Variants in PTPRG observed in about 807,000 individuals in gnomAD.
The protein encoded by PTPRG is protein tyrosine phosphatase receptor type G.
PTPRG carries 102 observed loss-of-function variants against 165.3 expected under a neutral mutation model. The observed-to-expected ratio is 0.62, with a 90% CI of 0.53 to 0.73. PTPRG has a LOEUF of 0.73. Ranked by LOEUF, PTPRG falls within the 30% of genes least tolerant of loss-of-function variation. PTPRG has a pLI of 0.00. For synonymous variants in PTPRG, 675 were observed against 669.5 expected (o/e 1.01, Z -0.13); for missense variants, 1,866 against 1,861.4 (o/e 1.00, Z -0.05).
chr3:62,089,552 T>C (rs986000666), intron 5 of PTPRG, among the ~76,000 whole-genome samples: 1 of 152,224 alleles, frequency 6.6e-6, no homozygotes, highest in Admixed American at 6.5e-5. Context: ...CAATGTGATA[T>C]AGTAAAAGAC....
Position 62,199,265 on chromosome 3 carries a change from C to T in PTPRG, c.1328-2240C>T, listed in dbSNP as rs775921017. Among the ~76,000 whole-genome samples, 4 of 151,678 alleles carry T rather than the reference C, an allele frequency of 2.6e-5. 1 individual carries two copies. On this transcript the variant is annotated intron_variant, in intron 10 of 29. Coordinates refer to ENST00000474889, the MANE Select transcript of PTPRG (RefSeq NM_002841.4). ...CCCCTGTTATTTGCTTTCTTTGCTA[C>T]CTTATTTGACCTGGGACCTACACAC... is the stretch of plus-strand genomic sequence containing the variant.
At chr3:62,031,582 C>G (rs1420395877) in intron 4 of PTPRG, among the ~76,000 whole-genome samples, 2 of 152,148 alleles carry the variant, frequency 1.3e-5, no homozygotes, top group Non-Finnish European at 2.9e-5. Context: ...CTACCTGATC[C>G]TGGTAGATGA....
intron 2 of PTPRG, among the ~76,000 whole-genome samples, chr3:61,758,607 A>C (rs578047891): frequency 1.3e-5 from 2 of 152,128 alleles, no homozygotes; most frequent in East Asian, 3.9e-4. Flanking sequence ...GTGCACCACC[A>C]CGTCTAGCTA....
At chr3:62,034,591 A>C (rs1488049042) in intron 4 of PTPRG, among the ~76,000 whole-genome samples, 1 of 152,204 alleles carries the variant, frequency 6.6e-6, no homozygotes, top group Non-Finnish European at 1.5e-5. Flanking sequence ...TTACACTTAG[A>C]GGTAGATATC....
intron 5 of PTPRG, among the ~76,000 whole-genome samples, chr3:62,116,561 G>A (rs935903981): frequency 6.6e-6 from 1 of 152,174 alleles, no homozygotes; most frequent in Admixed American, 6.5e-5. Context: ...AAGAAGGTGA[G>A]ACAAGATTCT....
chr3:61,694,523 C>T (rs1042633128), intron 1 of PTPRG, among the ~76,000 whole-genome samples: 1 of 152,164 alleles, frequency 6.6e-6, no homozygotes, highest in Non-Finnish European at 1.5e-5. Context: ...AGTAAAAATA[C>T]GCATACTTTC....
intron 2 of PTPRG, among the ~76,000 whole-genome samples, chr3:61,973,842 A>G (rs1006502414): frequency 2.6e-5 from 4 of 151,856 alleles, no homozygotes; most frequent in Non-Finnish European, 5.9e-5. Flanking sequence ...CAAAATAAAT[A>G]AATAAATAAA....
chr3:61,620,550 C>T (rs1374686255), intron 1 of PTPRG, among the ~76,000 whole-genome samples: 1 of 151,938 alleles, frequency 6.6e-6, no homozygotes, highest in African/African-American at 2.4e-5. Flanking sequence ...TTTTTTTGTT[C>T]CTCGTCCGGT....
chr3:61,711,221 G>A (rs779976296), intron 1 of PTPRG, among the ~76,000 whole-genome samples: 23 of 152,236 alleles, frequency 1.5e-4, no homozygotes, highest in East Asian at 7.7e-4. Flanking sequence ...GAATAGTGCC[G>A]CAATAGACAT....
intron 8 of PTPRG, among the ~76,000 whole-genome samples, chr3:62,170,845 G>T (rs140774137): frequency 6.6e-6 from 1 of 152,156 alleles, no homozygotes; most frequent in Non-Finnish European, 1.5e-5. Flanking sequence ...TGCACAGCTT[G>T]ATGAATTTTC....
chr3:62,088,169 G>T (rs114708937), intron 5 of PTPRG, among the ~76,000 whole-genome samples: 1 of 152,210 alleles, frequency 6.6e-6, no homozygotes, highest in African/African-American at 2.4e-5. Context: ...AGGTGTGTCA[G>T]GGTAGAGGCA....
At chr3:62,215,401 G>A (rs1288378925) in intron 12 of PTPRG, among the ~76,000 whole-genome samples, 2 of 152,184 alleles carry the variant, frequency 1.3e-5, no homozygotes, top group Non-Finnish European at 2.9e-5. Context: ...ATTAGTCAAG[G>A]TCAGAGTGAA....
intron 14 of PTPRG, 44 bp downstream of exon 14, chr3:62,231,355 G>A: frequency 6.8e-7 from 1 of 1,472,468 alleles, no homozygotes; most frequent in Middle Eastern, 2.3e-4. Flanking sequence ...TTGATGGCCG[G>A]GACTGGCTTG....
chr3:61,816,733 G>A (rs1239569593), intron 2 of PTPRG, among the ~76,000 whole-genome samples: 3 of 151,782 alleles, frequency 2.0e-5, no homozygotes, highest in Admixed American at 2.0e-4. Flanking sequence ...TTTTGCAGCG[G>A]TCTTGATGAG....
chr3:62,111,377 C>T lies in PTPRG; in HGVS notation c.616-21225C>T, dbSNP rs75720371. On this transcript the variant is annotated intron_variant, in intron 5 of 29. Transcript: ENST00000474889. ...AGTGATGTCTAGTCTAGCACAGCTT[C>T]CTCTTAGAGACTGACAGTGTGCTTT... Among the ~76,000 whole-genome samples, 802 of 152,318 alleles carry T rather than the reference C, an allele frequency of 5.3e-3. 10 individuals are homozygous for T. Among genetic ancestry groups the T allele is most frequent in the African/African-American group, 0.017 (709 of 41,568 alleles).
rs957053537 is a variant in PTPRG, at chr3:62,292,589, T to TAC, written c.4191+35_4191+36dup. 2.5e-6 allele frequency: 4 copies of TAC among 1,603,636 alleles called. No homozygotes were observed. The African/African-American group carries it at 5.4e-5, about 22-fold the overall frequency. On this transcript the variant is annotated intron_variant, in intron 29 of 29. Transcript: ENST00000474889. ...GTTTGCTTATGTGTAAAACCTGTAC[T>TAC]ACATCAGTTGAAACTCAGACTCACA...
At chr3:61,596,355 T>A (rs2106834681) in intron 1 of PTPRG, among the ~76,000 whole-genome samples, 1 of 152,326 alleles carries the variant, frequency 6.6e-6, no homozygotes, top group African/African-American at 2.4e-5. Flanking sequence ...ACATATTCAT[T>A]TATAAAAACA....
intron 1 of PTPRG, among the ~76,000 whole-genome samples, chr3:61,638,591 G>GTTTTTTTTTTTTTTTTTTTTTT (rs34396141): frequency 1.7e-5 from 1 of 58,704 alleles, no homozygotes; most frequent in African/African-American, 6.5e-5. Flanking sequence ...TGCCTGGCTA[G>GTTTTTTTTTTTTTTTTTTTTTT]TTTTTTTTTT....
At chr3:61,751,310 A>G (rs1287546183) in intron 2 of PTPRG, among the ~76,000 whole-genome samples, 1 of 152,226 alleles carries the variant, frequency 6.6e-6, no homozygotes, top group Admixed American at 6.5e-5. Context: ...ATGTGGGACT[A>G]TTAGCTGCAG....
Sources: allele counts gnomAD v4.1 joint callset (sites outside exome capture counted in the v4.1 genomes callset), GRCh38; gene constraint gnomAD v4.1.1; transcripts MANE v1.5; gene names NCBI Gene and HGNC (gene_info 2026-07-23, HGNC 2026-07-21).